The following SCTR variants were observed in gnomAD, a reference collection of about 807,000 sequenced individuals.
The protein encoded by SCTR is secretin receptor.
SCTR carries 56 observed loss-of-function variants against 60.8 expected under a neutral mutation model. That is an observed-to-expected ratio of 0.92 (90% CI 0.74 to 1.15). The LOEUF (loss-of-function observed/expected upper bound fraction) is 1.15. Among genes scored for constraint, SCTR ranks in the 50% most tolerant of loss-of-function variants. The pLI is 0.00. For missense variants in SCTR, 562 were observed against 550.4 expected, an observed-to-expected ratio of 1.02 and a Z score of -0.21; for synonymous variants, 202 against 217.0, an observed-to-expected ratio of 0.93 and a Z score of 0.61.
chr2:119,452,143 G>C, intron 8 of SCTR, 64 bp from the exon 9 acceptor site: 1 of 1,009,382 alleles, frequency 9.9e-7, no homozygotes, highest in Non-Finnish European at 1.6e-6. Flanking sequence ...TAACCAGCAA[G>C]GACATGTTCC....
At chr2:119,470,754 G>A (rs1320311490) in intron 4 of SCTR, among the ~76,000 whole-genome samples, 1 of 152,148 alleles carries the variant, frequency 6.6e-6, no homozygotes, top group Non-Finnish European at 1.5e-5. Flanking sequence ...AGGCTGGAGC[G>A]CAGTGGCGAG....
chr2:119,491,061 A>G (rs1317225558), intron 2 of SCTR, among the ~76,000 whole-genome samples: 2 of 152,168 alleles, frequency 1.3e-5, no homozygotes, highest in Non-Finnish European at 2.9e-5. Flanking sequence ...GCCTGGAATC[A>G]CCTGCTTCTG....
intron 1 of SCTR, among the ~76,000 whole-genome samples, chr2:119,522,839 A>G (rs887760741): frequency 6.6e-6 from 1 of 152,096 alleles, no homozygotes; most frequent in Non-Finnish European, 1.5e-5. Flanking sequence ...CATTTCTCCA[A>G]ATTGGGAGTC....
intron 7 of SCTR, among the ~76,000 whole-genome samples, chr2:119,456,014 T>C (rs987428266): frequency 2.0e-5 from 3 of 150,780 alleles, no homozygotes; most frequent in Admixed American, 6.6e-5. Flanking sequence ...ATAACACTGA[T>C]GCCAAAACAC....
At chr2:119,514,932 A>G (rs1242216932) in intron 1 of SCTR, among the ~76,000 whole-genome samples, 2 of 152,174 alleles carry the variant, frequency 1.3e-5, no homozygotes, top group Non-Finnish European at 2.9e-5. Flanking sequence ...CTCTCTTCTC[A>G]CACTTTATAA....
chr2:119,441,675 C>G (rs1682662364), intron 11 of SCTR, 76 bp from the exon 12 acceptor site: 1 of 1,231,832 alleles, frequency 8.1e-7, no homozygotes, highest in Non-Finnish European at 1.2e-6. Flanking sequence ...CAGCTGCACC[C>G]TCCCCAGGTC....
At chr2:119,481,053 A>G (rs1423805300) in intron 2 of SCTR, among the ~76,000 whole-genome samples, 1 of 152,220 alleles carries the variant, frequency 6.6e-6, no homozygotes, top group Non-Finnish European at 1.5e-5. Flanking sequence ...TGCCCAGAGC[A>G]GGCACTGGGA....
chr2:119,500,191 T>TAAAAGTTTAGTCCTTA (rs70947296), intron 1 of SCTR, among the ~76,000 whole-genome samples: 116,340 of 151,260 alleles, frequency 0.77, 45,113 homozygotes, highest in East Asian at 0.88. Context: ...AGTGTAGTCC[T>TAAAAGTTTAGTCCTTA]AAAAGTTTAG....
intron 2 of SCTR, among the ~76,000 whole-genome samples, chr2:119,488,728 A>G (rs529765137): frequency 6.6e-5 from 10 of 152,334 alleles, no homozygotes; most frequent in African/African-American, 2.4e-4. Context: ...GCTGCACCGA[A>G]GGGCTGGGAC....
rs1288837434 is a variant in SCTR at position 119,444,584 on chromosome 2, AAT to A, written c.1140+2173_1140+2174del. Reference sequence around the variant, plus strand: ...ATATATATACACATATATACGTACGAATATATATACACATATATACGTACGAA... The same window carrying A: ...ATATATATACACATATATACGTACGAATATATACACATATATACGTACGAA... On this transcript the variant is annotated intron_variant, in intron 11 of 12. Coordinates refer to ENST00000019103, the MANE Select transcript of SCTR (RefSeq NM_002980.3). 2.1e-3 allele frequency among the ~76,000 whole-genome samples: 2 copies of A among 932 alleles called. 1 individual carries two copies. The highest frequency in any genetic ancestry group is 0.037 in the African/African-American group (2 of 54). The allele number at this position is 932 out of a possible 152,430, so 0.6% of individuals were successfully genotyped here.
chr2:119,442,817 A>C (rs1428308210), intron 11 of SCTR, among the ~76,000 whole-genome samples: 1 of 152,174 alleles, frequency 6.6e-6, no homozygotes, highest in Non-Finnish European at 1.5e-5. Context: ...CAGTTCCAAA[A>C]AACGGGCATC....
intron 1 of SCTR, chr2:119,495,614 CT>C (rs1172964872): frequency 6.6e-6 from 1 of 152,236 alleles, no homozygotes; most frequent in African/African-American, 2.4e-5. Flanking sequence ...TAAGGTAGCA[CT>C]ATGGTCAAAT....
rs370375678 is a variant in SCTR at position 119,444,583 on chromosome 2, GAA to G, written c.1140+2174_1140+2175del. ...AATATATATACACATATATACGTACGAATATATATACACATATATACGTACGA... is the reference window on the plus strand; with the variant it reads ...AATATATATACACATATATACGTACGTATATATACACATATATACGTACGA... On this transcript the variant is annotated intron_variant, in intron 11 of 12. Transcript: ENST00000019103. Among the ~76,000 whole-genome samples the G allele has an allele frequency of 1.2e-3, 2 of 1,610 alleles. 1 individual carries two copies. The highest frequency in any genetic ancestry group is 1.8e-3 in the Non-Finnish European group (2 of 1,128). The allele number at this position is 1,610 out of a possible 152,430, so 1.1% of individuals were successfully genotyped here. A position where few individuals can be genotyped will look rare whatever the true frequency, so the allele number is the denominator to read the frequency against.
At chr2:119,512,375 C>G (rs2104943297) in intron 1 of SCTR, among the ~76,000 whole-genome samples, 1 of 139,108 alleles carries the variant, frequency 7.2e-6, no homozygotes, top group Non-Finnish European at 1.5e-5. Flanking sequence ...CCTTCTCCTT[C>G]TCCTTCTCCT....
chr2:119,453,204 A>G (rs1027315276), intron 8 of SCTR, 83 bp downstream of exon 8: 48 of 1,088,568 alleles, frequency 4.4e-5, no homozygotes, highest in African/African-American at 2.6e-4. Context: ...CCTTTCCTAG[A>G]TAGCTCCAAA....
At chr2:119,517,783 G>C (rs1489642420) in intron 1 of SCTR, among the ~76,000 whole-genome samples, 1 of 152,148 alleles carries the variant, frequency 6.6e-6, no homozygotes, top group Admixed American at 6.5e-5. Context: ...AAGTCGGTAG[G>C]GGTAGGAGTA....
In SCTR at chr2:119,494,414, G is replaced by A. The variant is rs780167138; in HGVS notation, c.193+14C>T. On this transcript the variant is annotated intron_variant, in intron 2 of 12. Coordinates refer to ENST00000019103, the MANE Select transcript of SCTR (RefSeq NM_002980.3). ...ACCCCCAAGAGAGGACATGGGCTGT[G>A]GCAAGCCTCATACCTGGCACTGGCT... 4.3e-6 allele frequency: 7 copies of A among 1,612,860 alleles called. No individual in the cohort carries two copies. In the South Asian group the frequency reaches 7.7e-5, roughly 18 times the overall value.
intron 4 of SCTR, among the ~76,000 whole-genome samples, chr2:119,471,080 G>A (rs1227467476): frequency 1.3e-5 from 2 of 152,214 alleles, no homozygotes; most frequent in East Asian, 3.8e-4. Context: ...GGAGAGAGAT[G>A]CAAATGACAC....
chr2:119,465,925 T>C, intron 4 of SCTR, 39 bp from the exon 5 acceptor site: 1 of 1,440,294 alleles, frequency 6.9e-7, no homozygotes, highest in East Asian at 2.3e-5. Context: ...CCGGCCCTCC[T>C]GGCTAGCTCT....
Sources: allele counts gnomAD v4.1 joint callset (sites outside exome capture counted in the v4.1 genomes callset), GRCh38; gene constraint gnomAD v4.1.1; transcripts MANE v1.5; gene names NCBI Gene and HGNC (gene_info 2026-07-23, HGNC 2026-07-21).